The following GHR variants were observed in gnomAD, a reference collection of about 807,000 sequenced individuals.
The protein encoded by GHR is GH receptor.
In GHR, 35 loss-of-function variants were observed where a neutral mutation model predicts 67.1. The observed-to-expected ratio is 0.52, with a 90% CI of 0.40 to 0.69. The LOEUF (loss-of-function observed/expected upper bound fraction) is 0.69. Ranked by LOEUF, GHR falls within the 30% of genes least tolerant of loss-of-function variation. GHR has a pLI of 0.00. For synonymous variants in GHR, 272 were observed against 269.1 expected (o/e 1.01, Z -0.10); for missense variants, 792 against 764.6 (o/e 1.04, Z -0.42).
intron 3 of GHR, among the ~76,000 whole-genome samples, chr5:42,687,147 A>G (rs1436891789): frequency 1.3e-5 from 2 of 152,232 alleles, no homozygotes; most frequent in Non-Finnish European, 2.9e-5. Context: ...AAGGAGAACT[A>G]CAAACCACTG....
chr5:42,557,943 T>G (rs937597518), intron 1 of GHR, among the ~76,000 whole-genome samples: 1 of 152,226 alleles, frequency 6.6e-6, no homozygotes, highest in Non-Finnish European at 1.5e-5. Flanking sequence ...CCCAGCCAGT[T>G]TGTGCTGGGT....
rs572483045 is a variant in GHR at position 42,712,389 on chromosome 5, A to AT, written c.784+1023dup. Among the ~76,000 whole-genome samples, 11 of 152,188 alleles carry AT rather than the reference A, an allele frequency of 7.2e-5. No individual in the cohort carries two copies. The South Asian group carries it at 2.3e-3, about 32-fold the overall frequency. On this transcript the variant is annotated intron_variant, in intron 7 of 9. Transcript: ENST00000230882. ...GTGGCATTTAATTCACTTAACATAT[A>AT]TTTTTTAAACTGCCTTTTCCTTCTG... is the stretch of plus-strand genomic sequence containing the variant.
chr5:42,699,881 G>A lies in GHR; in HGVS notation c.497G>A (p.Gly166Glu), dbSNP rs761856079. 5.6e-6 allele frequency: 9 copies of A among 1,608,710 alleles called. No individual in the cohort carries two copies. The East Asian group carries it at 1.8e-4, about 32-fold the overall frequency. Reference sequence around the variant, plus strand: ...ACTTTACTGAACGTCAGTTTAACTGGGATTCATGCAGATATCCAAGTGAGA... The same window carrying A: ...ACTTTACTGAACGTCAGTTTAACTGAGATTCATGCAGATATCCAAGTGAGA... Reference protein sequence around the residue: ...NWTLLNVSLTGIHADIQVRWE... With the variant: ...NWTLLNVSLTEIHADIQVRWE... Residue 166 changes from glycine to glutamate, a missense_variant, in exon 6 of 10, where the codon GGG becomes GAG. By Grantham distance (98) the Gly-to-Glu change is moderately conservative. Coordinates refer to ENST00000230882, the MANE Select transcript of GHR (RefSeq NM_000163.5).
chr5:42,684,863 C>T (rs1319574389), intron 3 of GHR, among the ~76,000 whole-genome samples: 1 of 152,178 alleles, frequency 6.6e-6, no homozygotes, highest in Non-Finnish European at 1.5e-5. Context: ...TGAAGATTCA[C>T]TTGTTTGTAC....
chr5:42,435,442 C>T lies in GHR; in HGVS notation c.-12+11487C>T, dbSNP rs571214604. 5.9e-5 allele frequency among the ~76,000 whole-genome samples: 9 copies of T among 152,250 alleles called. No individual in the cohort carries two copies. In the South Asian group the frequency reaches 1.5e-3, roughly 25 times the overall value. On this transcript the variant is annotated intron_variant, in intron 1 of 9. Coordinates refer to ENST00000230882, the MANE Select transcript of GHR (RefSeq NM_000163.5). ...TTCAGAGAGATTTCTACCTTGCCAG[C>T]GATGAGAGAGCCTACTTAGGTGAGG...
chr5:42,489,694 G>T (rs764482832), intron 1 of GHR, among the ~76,000 whole-genome samples: 7 of 152,166 alleles, frequency 4.6e-5, no homozygotes, highest in Non-Finnish European at 1.0e-4. Context: ...ATTGTGTATT[G>T]ATATGAATTA....
intron 1 of GHR, among the ~76,000 whole-genome samples, chr5:42,520,690 A>G (rs1747435333): frequency 6.6e-6 from 1 of 152,190 alleles, no homozygotes; most frequent in East Asian, 1.9e-4. Flanking sequence ...AGAGCATGTT[A>G]CAGCAGCAGT....
chr5:42,595,976 G>T (rs1402794064), intron 2 of GHR, among the ~76,000 whole-genome samples: 1 of 152,152 alleles, frequency 6.6e-6, no homozygotes, highest in Non-Finnish European at 1.5e-5. Flanking sequence ...AATTAAGGAA[G>T]GACTCTCACT....
intron 1 of GHR, among the ~76,000 whole-genome samples, chr5:42,530,725 G>A (rs1027917220): frequency 2.0e-5 from 3 of 152,074 alleles, no homozygotes; most frequent in African/African-American, 7.2e-5. Context: ...CACAAGCTGT[G>A]TCATATTCAG....
At chr5:42,563,595 C>G (rs1226152493) in intron 1 of GHR, among the ~76,000 whole-genome samples, 1 of 139,710 alleles carries the variant, frequency 7.2e-6, no homozygotes, top group Non-Finnish European at 1.5e-5. Flanking sequence ...TCCGCAGTCC[C>G]GCCTGGGCGA....
At chr5:42,534,186 A>G (rs915993424) in intron 1 of GHR, among the ~76,000 whole-genome samples, 11 of 145,690 alleles carry the variant, frequency 7.6e-5, no homozygotes, top group Admixed American at 2.1e-4. Context: ...ATGTATGTAT[A>G]TATGTACATG....
In GHR at chr5:42,618,173, C is replaced by A. The variant is rs188518243; in HGVS notation, c.71-10865C>A. ...TGTCTAGGTAAACTGTCACCATATCCATCTACATTTGCTTGCTAGTAGAGC... is the reference window on the plus strand; with the variant it reads ...TGTCTAGGTAAACTGTCACCATATCAATCTACATTTGCTTGCTAGTAGAGC... On this transcript the variant is annotated intron_variant, in intron 2 of 9. Transcript: ENST00000230882. Among the ~76,000 whole-genome samples, 241 of 152,172 alleles carry A rather than the reference C, an allele frequency of 1.6e-3. 1 individual carries two copies. Among genetic ancestry groups the A allele is most frequent in the African/African-American group, 5.5e-3 (227 of 41,526 alleles).
intron 3 of GHR, among the ~76,000 whole-genome samples, chr5:42,637,679 C>G (rs1345190771): frequency 6.6e-6 from 1 of 152,012 alleles, no homozygotes; most frequent in East Asian, 1.9e-4. Flanking sequence ...ATACGTGTAC[C>G]ACATTTTCTT....
At chr5:42,467,842 A>T in intron 1 of GHR, 1 of 1,064,982 alleles carries the variant, frequency 9.4e-7, no homozygotes, top group East Asian at 2.4e-5. Context: ...GATTGTTAAC[A>T]GTGTCAGAAT....
chr5:42,499,911 G>A (rs994946369), intron 1 of GHR, among the ~76,000 whole-genome samples: 2 of 152,218 alleles, frequency 1.3e-5, no homozygotes, highest in Non-Finnish European at 2.9e-5. Flanking sequence ...CACGCCAGTT[G>A]CACACAGGCA....
chr5:42,470,037 ATAC>A (rs1253801021), intron 1 of GHR, among the ~76,000 whole-genome samples: 5 of 138,170 alleles, frequency 3.6e-5, no homozygotes, highest in African/African-American at 1.1e-4. Context: ...TAATATATAT[ATAC>A]TACTAATATA....
At chr5:42,594,783 G>T (rs1241495538) in intron 2 of GHR, among the ~76,000 whole-genome samples, 1 of 151,914 alleles carries the variant, frequency 6.6e-6, no homozygotes, top group Admixed American at 6.6e-5. Context: ...GTTTATGTGA[G>T]GTTTTGTTAT....
chr5:42,601,019 TG>T (rs1160041930), intron 2 of GHR, among the ~76,000 whole-genome samples: 3 of 140,318 alleles, frequency 2.1e-5, no homozygotes, highest in African/African-American at 7.9e-5. Flanking sequence ...CTCCGCCTCC[TG>T]GGTTCAAGCA....
At chr5:42,658,372 T>A (rs1755372178) in intron 3 of GHR, among the ~76,000 whole-genome samples, 1 of 152,178 alleles carries the variant, frequency 6.6e-6, no homozygotes, top group African/African-American at 2.4e-5. Context: ...TTTCCTGAAG[T>A]TAAGTTTCCT....
Sources: gnomAD v4.1 joint callset for allele counts (sites outside exome capture counted in the v4.1 genomes callset) on GRCh38, gnomAD v4.1.1 for gene constraint, MANE v1.5 for transcripts, NCBI Gene and HGNC (gene_info 2026-07-23, HGNC 2026-07-21) for gene names.